SLC35F6: variants seen among roughly 807,000 people sequenced by gnomAD.
SLC35F6 encodes ANT2-binding protein.
Under a neutral mutation model 29.4 loss-of-function variants are expected in SLC35F6, and 26 were observed. The ratio of observed to expected loss-of-function variants is 0.89; its 90% CI spans 0.65 to 1.23. The LOEUF (loss-of-function observed/expected upper bound fraction) is 1.23. SLC35F6 is among the 50% of genes most tolerant of loss of function. The pLI, the probability that SLC35F6 is intolerant of heterozygous loss-of-function variation, is 0.00. For missense variants in SLC35F6, 428 were observed against 487.8 expected (o/e 0.88, Z 1.15); for synonymous variants, 174 against 206.6 (o/e 0.84, Z 1.35).
rs1664343424 is a variant in SLC35F6, at chr2:26,778,346, A to G, written c.951A>G (p.Ala317=). 3 of 1,614,108 alleles carry G rather than the reference A, an allele frequency of 1.9e-6. No homozygotes were observed. Among genetic ancestry groups the G allele is most frequent in the Non-Finnish European group, 2.5e-6 (3 of 1,180,018 alleles). The stretch of plus-strand genomic sequence containing the variant: ...CACTGGGCTGGGAGGCCTTCCATGC[A>G]CTGCAGATCCTTGGCTTCCTCATAC... ...SLALGWEAFH[A]LQILGFLILL... Residue 317 remains alanine, a synonymous_variant, in exon 6 of 6, where the codon GCA becomes GCG. Transcript: ENST00000344420.
chr2:26,775,026 G>C lies in SLC35F6; in HGVS notation c.151-18G>C, dbSNP rs769476161. The C allele has an allele frequency of 1.2e-6, 2 of 1,602,780 alleles. No homozygotes were observed. The highest frequency in any genetic ancestry group is 1.7e-6 in the Non-Finnish European group (2 of 1,173,350). The stretch of plus-strand genomic sequence containing the variant: ...GATCCCTTCCAGCTCTGAAGTCCTC[G>C]GGTTTTCATCCCTGCAGGCAGTGGG... On this transcript the variant is annotated intron_variant, in intron 2 of 5. Transcript: ENST00000344420. This position sits in a 1 kb window ranked among gnomAD's most constrained non-coding sequence, Gnocchi z 4.6.
intron 1 of SLC35F6, among the ~76,000 whole-genome samples, chr2:26,768,682 G>A (rs1398189413): frequency 5.0e-5 from 7 of 139,212 alleles, no homozygotes; most frequent in East Asian, 2.1e-4. Flanking sequence ...TTTAAGACAC[G>A]GTCTCTCTCT....
chr2:26,775,647 G>C lies in SLC35F6; in HGVS notation c.506G>C (p.Ser169Thr), dbSNP rs994004527. 1 of 1,596,104 alleles carries C rather than the reference G, an allele frequency of 6.3e-7. No individual in the cohort carries two copies. The highest frequency in any genetic ancestry group is 1.7e-5 in the Admixed American group (1 of 58,038). The change falls in exon 4 of 6, where the codon AGT (serine) becomes ACT (threonine). Residue 169 changes from serine (S) to threonine (T), a missense_variant. Physicochemically the swap from Ser to Thr is moderately conservative, Grantham distance 58. Coordinates refer to ENST00000344420, the MANE Select transcript of SLC35F6 (RefSeq NM_017877.4). The surrounding 1 kb of genome is among the most constrained non-coding windows in gnomAD (Gnocchi z 4.6). ...GLADLLSKHD[S>T]QHKLSEVITG... ...GCTGACCTCCTGAGCAAGCACGACAGTCAGCACAAGCTCAGCGAAGTGATC... is the reference window on the plus strand; with the variant it reads ...GCTGACCTCCTGAGCAAGCACGACACTCAGCACAAGCTCAGCGAAGTGATC...
At chr2:26,766,815 G>C (rs908717681) in intron 1 of SLC35F6, among the ~76,000 whole-genome samples, 2 of 152,204 alleles carry the variant, frequency 1.3e-5, no homozygotes, top group Non-Finnish European at 2.9e-5. Context: ...TAAGGAAACT[G>C]AGGTAGGAAA....
chr2:26,775,463 G>C lies in SLC35F6; in HGVS notation c.323-1G>C. 1 of 1,612,122 alleles carries C rather than the reference G, an allele frequency of 6.2e-7. No homozygotes were observed. The highest frequency in any genetic ancestry group is 8.5e-7 in the Non-Finnish European group (1 of 1,179,548). ...ACTGTAATTTGTTTCTCCTTTCCTA[G>C]CTCTGAACATGACCAGTGCCTCCAG... On this transcript the variant is annotated splice_acceptor_variant, in intron 3 of 5. Coordinates refer to ENST00000344420, the MANE Select transcript of SLC35F6 (RefSeq NM_017877.4). LOFTEE classifies it high-confidence loss of function. The surrounding 1 kb of genome is among the most constrained non-coding windows in gnomAD (Gnocchi z 4.6).
At chr2:26,773,607 G>T (rs7605144) in intron 1 of SLC35F6, among the ~76,000 whole-genome samples, 4,047 of 149,028 alleles carry the variant, frequency 0.027, 191 homozygotes, top group African/African-American at 0.096. Context: ...AATATATATA[G>T]ATATGCTTTT....
Position 26,775,295 on chromosome 2 carries a change from C to A in SLC35F6, c.322+80C>A. 6.5e-7 allele frequency: 1 copy of A among 1,547,962 alleles called. No individual in the cohort carries two copies. The highest frequency in any genetic ancestry group is 8.7e-7 in the Non-Finnish European group (1 of 1,144,594). On this transcript the variant is annotated intron_variant, in intron 3 of 5. Coordinates refer to ENST00000344420, the MANE Select transcript of SLC35F6 (RefSeq NM_017877.4). The surrounding 1 kb of genome is among the most constrained non-coding windows in gnomAD (Gnocchi z 4.6). The stretch of plus-strand genomic sequence containing the variant: ...CTACTGGTGAAACAGCCCTATCCCA[C>A]CCACCTCCACTTCATCCCACCATTC...
intron 1 of SLC35F6, among the ~76,000 whole-genome samples, chr2:26,768,679 C>G (rs1392830016): frequency 7.5e-6 from 1 of 133,534 alleles, no homozygotes. Context: ...TTTTTTAAGA[C>G]ACGGTCTCTC....
chr2:26,764,620 G>C (rs2304337), intron 1 of SLC35F6, among the ~76,000 whole-genome samples, 194 bp downstream of exon 1: 55,133 of 151,938 alleles, frequency 0.36, 10,571 homozygotes, highest in Admixed American at 0.47. Flanking sequence ...CGGACGGGGG[G>C]ATCCGAGCCC....
Position 26,778,602 on chromosome 2 carries a change from C to G in SLC35F6, c.*91C>G. 1 of 1,259,664 alleles carries G rather than the reference C, an allele frequency of 7.9e-7. No individual in the cohort carries two copies. Among genetic ancestry groups the G allele is most frequent in the East Asian group, 2.5e-5 (1 of 39,414 alleles). The allele number at this position is 1,259,664 out of a possible 1,614,324, so 78.0% of individuals were successfully genotyped here. ...TGGTGGGCCCCGAATGCCCTATCCC[C>G]AAGGCCTCACCCTGTCCCCTCCCTG... On this transcript the variant is annotated 3_prime_UTR_variant, in exon 6 of 6. Transcript: ENST00000344420.
At position 26,778,077 on chromosome 2, in the gene SLC35F6, G is replaced by T. The variant is rs767645176; in HGVS notation, c.682G>T (p.Val228Leu). ...FGFVILSLLL[V>L]PMYYIPAGSF... ...CTTTGTGATCCTCTCCCTGCTGCTG[G>T]TGCCCATGTACTACATCCCCGCCGG... Residue 228 changes from valine to leucine, a missense_variant, in exon 6 of 6, where the codon GTG becomes TTG. Transcript: ENST00000344420. 44 of 1,612,812 alleles carry T rather than the reference G, an allele frequency of 2.7e-5. No individual in the cohort carries two copies. The highest frequency in any genetic ancestry group is 3.7e-5 in the Non-Finnish European group (44 of 1,179,008).
In SLC35F6 at chr2:26,775,114, G is replaced by A. The variant is rs755557241; in HGVS notation, c.221G>A (p.Gly74Glu). 6.2e-7 allele frequency: 1 copy of A among 1,614,000 alleles called. No homozygotes were observed. The highest frequency in any genetic ancestry group is 1.3e-5 in the African/African-American group (1 of 74,898). The stretch of plus-strand genomic sequence containing the variant: ...TACCTCCTCCGATGCAGAGCTGCAG[G>A]GCAATCAGACTCCAGCGTAGACCCC... ...AFYLLRCRAA[G>E]QSDSSVDPQQ... The change falls in exon 3 of 6, where the codon GGG becomes GAG. Residue 74 changes from glycine to glutamate, a missense_variant. Physicochemically the swap from Gly to Glu is moderately conservative, Grantham distance 98. Transcript: ENST00000344420. The surrounding 1 kb of genome is among the most constrained non-coding windows in gnomAD (Gnocchi z 4.6).
chr2:26,769,464 C>T (rs1301475891), intron 1 of SLC35F6, among the ~76,000 whole-genome samples: 1 of 152,258 alleles, frequency 6.6e-6, no homozygotes, highest in Non-Finnish European at 1.5e-5. Context: ...AGCAAGAACT[C>T]AGAGGAGAGC....
chr2:26,768,925 G>A (rs1664141861), intron 1 of SLC35F6, among the ~76,000 whole-genome samples: 1 of 152,172 alleles, frequency 6.6e-6, no homozygotes, highest in Non-Finnish European at 1.5e-5. Context: ...TTACAGGCAT[G>A]CACCACCACA....
chr2:26,773,588 G>A (rs1001914356), intron 1 of SLC35F6, among the ~76,000 whole-genome samples: 1 of 149,188 alleles, frequency 6.7e-6, no homozygotes, highest in Non-Finnish European at 1.5e-5. Context: ...AAGCAAATTC[G>A]TGATATAGAA....
At chr2:26,774,377 C>T (rs1246282346) in intron 2 of SLC35F6, 54 bp downstream of exon 2, 10 of 1,598,416 alleles carry the variant, frequency 6.3e-6, no homozygotes, top group Non-Finnish European at 8.6e-6. Flanking sequence ...GACCAGGCGC[C>T]ACCCCCGGCC....
At chr2:26,769,320 G>A (rs1034641817) in intron 1 of SLC35F6, among the ~76,000 whole-genome samples, 12 of 152,198 alleles carry the variant, frequency 7.9e-5, no homozygotes, top group African/African-American at 2.7e-4. Context: ...CCCGCCAAAA[G>A]GAGCGGCCTC....
Position 26,778,207 on chromosome 2 carries a change from G to A in SLC35F6, c.812G>A (p.Ser271Asn). 6.2e-7 allele frequency: 1 copy of A among 1,614,176 alleles called. No individual in the cohort carries two copies. The change falls in exon 6 of 6, where the codon AGC becomes AAC. Residue 271 changes from serine to asparagine, a missense_variant. Ser to Asn is a conservative substitution (Grantham distance 46). Transcript: ENST00000344420. ...LIAVALLGNI[S>N]SIAFFNFAGI... ...GCCGTGGCACTGCTGGGCAACATCA[G>A]CAGCATTGCCTTCTTCAACTTCGCA...
chr2:26,778,617 T>G lies in SLC35F6; in HGVS notation c.*106T>G. The G allele has an allele frequency of 8.9e-7, 1 of 1,121,708 alleles. No homozygotes were observed. Among genetic ancestry groups the G allele is most frequent in the Non-Finnish European group, 1.2e-6 (1 of 812,854 alleles). The allele number at this position is 1,121,708 out of a possible 1,614,324, so 69.5% of individuals were successfully genotyped here. On this transcript the variant is annotated 3_prime_UTR_variant, in exon 6 of 6. Coordinates refer to ENST00000344420, the MANE Select transcript of SLC35F6 (RefSeq NM_017877.4). ...GCCCTATCCCCAAGGCCTCACCCTG[T>G]CCCCTCCCTGCAGAACCCCCAGGGC...
Sources: gnomAD v4.1 joint callset for allele counts (sites outside exome capture counted in the v4.1 genomes callset) on GRCh38, gnomAD v4.1.1 for gene constraint, Gnocchi (gnomAD v3.1) non-coding constraint, MANE v1.5 for transcripts, NCBI Gene and HGNC (gene_info 2026-07-23, HGNC 2026-07-21) for gene names.